CEP83: variants seen among roughly 807,000 people sequenced by gnomAD.
CEP83 encodes centrosomal protein 83, also known as centrosomal protein of 83 kDa.
CEP83 carries 70 observed loss-of-function variants against 101.9 expected under a neutral mutation model. The ratio of observed to expected loss-of-function variants is 0.69; its 90% CI spans 0.57 to 0.84. The LOEUF is 0.84. Ranked by LOEUF, CEP83 falls within the 40% of genes least tolerant of loss-of-function variation. The pLI is 0.00. For synonymous variants in CEP83, 264 were observed against 267.9 expected (o/e 0.99, Z 0.14); for missense variants, 715 against 787.2 (o/e 0.91, Z 1.10).
At chr12:94,408,474 T>C (rs1044467304) in intron 4 of CEP83, among the ~76,000 whole-genome samples, 12 of 152,200 alleles carry the variant, frequency 7.9e-5, no homozygotes, top group Non-Finnish European at 1.6e-4. Context: ...AATTTCCGTT[T>C]TATTAGAATA....
At chr12:94,287,562 C>T in the CEP83 span, among the ~76,000 whole-genome samples, 3 of 151,420 alleles carry the variant, frequency 2.0e-5, no homozygotes, top group Admixed American at 6.6e-5. Flanking sequence ...GATTACACTT[C>T]GAGTTCTGAG....
chr12:94,298,589 C>T, the CEP83 span: 1 of 1,496,522 alleles, frequency 6.7e-7, no homozygotes, highest in Non-Finnish European at 9.0e-7. Flanking sequence ...AAACCACTAC[C>T]ACAGTTTTTA....
At chr12:94,276,430 G>T in the CEP83 span, among the ~76,000 whole-genome samples, 5 of 122,176 alleles carry the variant, frequency 4.1e-5, no homozygotes, top group African/African-American at 1.5e-4. Context: ...CTAAGCCAGG[G>T]TTTCTGGAGG....
chr12:94,415,586 C>T (rs190644412), intron 2 of CEP83, among the ~76,000 whole-genome samples: 1 of 151,844 alleles, frequency 6.6e-6, no homozygotes, highest in Non-Finnish European at 1.5e-5. Context: ...AGGCAAAAAA[C>T]CCCCACTATT....
At chr12:94,325,778 T>A (rs921477036) in intron 14 of CEP83, among the ~76,000 whole-genome samples, 2 of 152,148 alleles carry the variant, frequency 1.3e-5, no homozygotes, top group Non-Finnish European at 2.9e-5. Context: ...GAAGAATTCA[T>A]AGGCTTTATG....
intron 1 of CEP83, among the ~76,000 whole-genome samples, chr12:94,456,655 G>A (rs967166527): frequency 4.6e-5 from 7 of 152,244 alleles, no homozygotes; most frequent in Non-Finnish European, 7.4e-5. Context: ...AAAACCACCA[G>A]ATCTCATGAG....
chr12:94,277,305 C>T, the CEP83 span: 4 of 152,824 alleles, frequency 2.6e-5, no homozygotes, highest in Admixed American at 2.6e-4. Flanking sequence ...AAAGGCCCCA[C>T]CTCCAAGTAC....
intron 14 of CEP83, among the ~76,000 whole-genome samples, chr12:94,326,308 T>C (rs1351042862): frequency 6.6e-6 from 1 of 152,154 alleles, no homozygotes. Flanking sequence ...AACTGGTAAA[T>C]ATAGTGTTTT....
At chr12:94,363,334 T>C (rs962154441) in intron 11 of CEP83, among the ~76,000 whole-genome samples, 2 of 152,166 alleles carry the variant, frequency 1.3e-5, no homozygotes, top group African/African-American at 4.8e-5. Context: ...TTTAAAAACA[T>C]GAAATAAGTG....
At position 94,412,855 on chromosome 12, in the gene CEP83, A is replaced by AT. The variant is rs750845100; in HGVS notation, c.-101-265dup. On this transcript the variant is annotated intron_variant, in intron 2 of 16. Coordinates refer to ENST00000397809, the MANE Select transcript of CEP83 (RefSeq NM_016122.3). Reference sequence around the variant, plus strand: ...AGGCGCCTGCCACCATACCCGGCTAATTTTTTTTTTTTTTTGAGACGGAGT... The same window carrying AT: ...AGGCGCCTGCCACCATACCCGGCTAATTTTTTTTTTTTTTTTGAGACGGAGT... Among the ~76,000 whole-genome samples, 1,027 of 137,044 alleles carry AT rather than the reference A, an allele frequency of 7.5e-3. 8 individuals are homozygous for AT. The highest frequency in any genetic ancestry group is 9.9e-3 in the African/African-American group (369 of 37,408). The allele number at this position is 137,044 out of a possible 152,430, so 89.9% of individuals were successfully genotyped here.
intron 11 of CEP83, among the ~76,000 whole-genome samples, chr12:94,357,680 C>T (rs2136884815): frequency 6.6e-6 from 1 of 152,296 alleles, no homozygotes; most frequent in East Asian, 1.9e-4. Flanking sequence ...CAAAAGGTCC[C>T]AACAGGAGTC....
chr12:94,421,369 C>T (rs900852044), intron 2 of CEP83, among the ~76,000 whole-genome samples: 2 of 152,074 alleles, frequency 1.3e-5, no homozygotes, highest in African/African-American at 4.8e-5. Flanking sequence ...TTATAATTCA[C>T]AATTTTTTAA....
intron 7 of CEP83, among the ~76,000 whole-genome samples, chr12:94,378,188 A>G (rs978721881): frequency 2.6e-5 from 4 of 152,232 alleles, no homozygotes; most frequent in African/African-American, 9.6e-5. Flanking sequence ...ACTAAGAAGA[A>G]TAAGTGTATC....
chr12:94,317,870 GT>G (rs1256229458), intron 14 of CEP83, among the ~76,000 whole-genome samples: 2 of 151,664 alleles, frequency 1.3e-5, no homozygotes, highest in African/African-American at 2.4e-5. Flanking sequence ...GTTTTTTGTT[GT>G]TGTTGTTTGG....
rs1593051193 is a variant in CEP83, at chr12:94,308,828, T to C, written c.2091A>G (p.Gly697=). Residue 697 remains glycine, a synonymous_variant, in exon 17 of 17, where the codon GGA becomes GGG. Transcript: ENST00000397809. ...TTQRKQLEEL[G]SSGE ...TCCAAGAACATCATTCTCCGGAAGATCCAAGTTCCTCTAGTTGTTTTCTTT... is the reference window on the plus strand; with the variant it reads ...TCCAAGAACATCATTCTCCGGAAGACCCAAGTTCCTCTAGTTGTTTTCTTT... 1 of 1,610,064 alleles carries C rather than the reference T, an allele frequency of 6.2e-7. No individual in the cohort carries two copies.
At chr12:94,274,332 A>C in the CEP83 span, among the ~76,000 whole-genome samples, 1 of 152,032 alleles carries the variant, frequency 6.6e-6, no homozygotes, top group South Asian at 2.1e-4. Flanking sequence ...GACCCTGTCT[A>C]TTAAAAAAGA....
At chr12:94,270,235 C>T in the CEP83 span, among the ~76,000 whole-genome samples, 3 of 152,336 alleles carry the variant, frequency 2.0e-5, no homozygotes, top group Admixed American at 2.0e-4. Flanking sequence ...CAGCAAACAA[C>T]AGCCTGTGGG....
the CEP83 span, among the ~76,000 whole-genome samples, chr12:94,276,276 C>T: frequency 9.9e-5 from 15 of 152,152 alleles, no homozygotes; most frequent in Non-Finnish European, 1.3e-4. Context: ...TGCAATTACC[C>T]GCCACCATGA....
intron 11 of CEP83, among the ~76,000 whole-genome samples, chr12:94,348,361 A>T (rs1387918849): frequency 6.6e-6 from 1 of 152,194 alleles, no homozygotes; most frequent in Admixed American, 6.5e-5. Flanking sequence ...ACTCAATGTC[A>T]ACCATTTTAT....
Sources: allele counts gnomAD v4.1 joint callset (sites outside exome capture counted in the v4.1 genomes callset), GRCh38; gene constraint gnomAD v4.1.1; transcripts MANE v1.5; gene names NCBI Gene and HGNC (gene_info 2026-07-23, HGNC 2026-07-21).